Variants in EML5 observed in about 807,000 individuals in gnomAD.
EML5 encodes the protein echinoderm microtubule-associated protein-like 5.
EML5 carries 120 observed loss-of-function variants against 250.0 expected under a neutral mutation model. The observed-to-expected ratio is 0.48, with a 90% CI of 0.41 to 0.56. The LOEUF is 0.56. Ranked by LOEUF, EML5 falls within the 20% of genes least tolerant of loss-of-function variation. The pLI is 0.00. For synonymous variants in EML5, 771 were observed against 806.5 expected, an observed-to-expected ratio of 0.96 and a Z score of 0.75; for missense variants, 2,006 against 2,437.6, an observed-to-expected ratio of 0.82 and a Z score of 3.73.
At chr14:88,681,825 T>C in intron 21 of EML5, 65 bp downstream of exon 21, 9 of 1,480,520 alleles carry the variant, frequency 6.1e-6, no homozygotes, top group Non-Finnish European at 8.1e-6. Flanking sequence ...TTTTGCTTTC[T>C]TATATTTGTA....
At chr14:88,678,812 G>A (rs965021173) in intron 21 of EML5, among the ~76,000 whole-genome samples, 3 of 152,042 alleles carry the variant, frequency 2.0e-5, no homozygotes, top group African/African-American at 4.8e-5. Flanking sequence ...TTTGAACACT[G>A]GAATATGAAC....
chr14:88,672,368 T>C (rs967324533), intron 21 of EML5, among the ~76,000 whole-genome samples: 1 of 152,108 alleles, frequency 6.6e-6, no homozygotes, highest in African/African-American at 2.4e-5. Context: ...GGAGACAAGA[T>C]ACCAGAATCT....
rs1398424087 is a variant in EML5, at chr14:88,792,489, G to T, written c.15C>A (p.Ser5Arg). Residue 5 changes from serine to arginine, a missense_variant, in exon 1 of 44, where the codon AGC becomes AGA. Physicochemically the swap from Ser to Arg is moderately radical, Grantham distance 110. Transcript: ENST00000554922. This position sits in a 1 kb window ranked among gnomAD's most constrained non-coding sequence, Gnocchi z 6.9. Reference protein sequence around the residue: MAARSAPSCHLRLEW... With the variant: MAARRAPSCHLRLEW... ...CGAGCCGCAGGTGGCAGCTCGGGGC[G>T]CTCCGGGCCGCCATGTCGGGGCGCC... 4 of 1,438,958 alleles carry T rather than the reference G, an allele frequency of 2.8e-6. No individual in the cohort carries two copies. The highest frequency in any genetic ancestry group is 1.4e-5 in the South Asian group (1 of 69,400). The allele number at this position is 1,438,958 out of a possible 1,614,324, so 89.1% of individuals were successfully genotyped here. A position where few individuals can be genotyped will look rare whatever the true frequency, so the allele number is the denominator to read the frequency against.
At chr14:88,669,877 C>T (rs2092410805) in intron 21 of EML5, among the ~76,000 whole-genome samples, 1 of 152,082 alleles carries the variant, frequency 6.6e-6, no homozygotes, top group African/African-American at 2.4e-5. Flanking sequence ...GACAGAGATC[C>T]CAGGGAAAGG....
At chr14:88,726,053 T>C (rs1303371973) in intron 8 of EML5, among the ~76,000 whole-genome samples, 1 of 152,192 alleles carries the variant, frequency 6.6e-6, no homozygotes, top group Non-Finnish European at 1.5e-5. Flanking sequence ...CTATCTATAA[T>C]TCAACACAAA....
At chr14:88,705,173 A>G (rs1190304369) in intron 12 of EML5, among the ~76,000 whole-genome samples, 195 bp from the exon 13 acceptor site, 3 of 152,184 alleles carry the variant, frequency 2.0e-5, no homozygotes, top group Non-Finnish European at 4.4e-5. Context: ...TCACACTGAC[A>G]AATAGATACA....
chr14:88,621,080 G>A lies in EML5; in HGVS notation c.5202+33C>T, dbSNP rs762592166. 1.3e-5 allele frequency: 20 copies of A among 1,590,272 alleles called. 1 individual carries two copies. The South Asian group carries it at 2.3e-4, about 18-fold the overall frequency. ...CTTCCAACTTTTCTTTTTAGAAGTT[G>A]TAACCTCTTTTAAAAAAATTATCTG... On this transcript the variant is annotated intron_variant, in intron 38 of 43. Coordinates refer to ENST00000554922, the MANE Select transcript of EML5 (RefSeq NM_183387.3).
chr14:88,663,147 C>A, intron 23 of EML5, 28 bp from the exon 24 acceptor site: 1 of 1,458,480 alleles, frequency 6.9e-7, no homozygotes, highest in African/African-American at 1.4e-5. Context: ...AAAATATTTA[C>A]ACATATAAAA....
At chr14:88,746,399 T>TA in intron 2 of EML5, 116 bp from the exon 3 acceptor site, 1 of 773,938 alleles carries the variant, frequency 1.3e-6, no homozygotes, top group Non-Finnish European at 2.1e-6. Flanking sequence ...ATAAAACATA[T>TA]ATGCCTATAT....
intron 7 of EML5, among the ~76,000 whole-genome samples, chr14:88,730,571 T>TA (rs1464046394): frequency 1.3e-5 from 2 of 152,220 alleles, no homozygotes; most frequent in African/African-American, 4.8e-5. Flanking sequence ...ATAATTAATT[T>TA]AAAAACACGA....
chr14:88,755,277 C>G (rs1371817536), intron 1 of EML5, among the ~76,000 whole-genome samples: 2 of 152,176 alleles, frequency 1.3e-5, no homozygotes, highest in East Asian at 1.9e-4. Context: ...GCAATTGGAT[C>G]ACAGCAACAA....
chr14:88,639,320 T>G (rs541452580), intron 31 of EML5, among the ~76,000 whole-genome samples: 2 of 152,194 alleles, frequency 1.3e-5, no homozygotes, highest in Non-Finnish European at 2.9e-5. Context: ...GAAAGTGTTG[T>G]GTATCCATAT....
intron 10 of EML5, among the ~76,000 whole-genome samples, chr14:88,706,642 G>A (rs1377659517): frequency 6.6e-6 from 1 of 152,054 alleles, no homozygotes; most frequent in Non-Finnish European, 1.5e-5. Context: ...AGGCTGTGAG[G>A]CATTATCTTA....
At position 88,726,102 on chromosome 14, in the gene EML5, TTACTC is replaced by T. The variant is rs142791096; in HGVS notation, c.1187+434_1187+438del. ...TACCAAATTCTTTAAATTTTTCTAATTACTCAAACAAAAGAAGAGATGGAAGCATT... is the reference window on the plus strand; with the variant it reads ...TACCAAATTCTTTAAATTTTTCTAATAAACAAAAGAAGAGATGGAAGCATT... On this transcript the variant is annotated intron_variant, in intron 8 of 43. Transcript: ENST00000554922. 8.4e-3 allele frequency among the ~76,000 whole-genome samples: 1,279 copies of T among 152,268 alleles called. 15 individuals are homozygous for T. Among genetic ancestry groups the T allele is most frequent in the African/African-American group, 0.029 (1,225 of 41,560 alleles).
intron 21 of EML5, among the ~76,000 whole-genome samples, chr14:88,673,683 A>G (rs1378190436): frequency 6.6e-6 from 1 of 152,212 alleles, no homozygotes; most frequent in Non-Finnish European, 1.5e-5. Flanking sequence ...AGCAAAGTCA[A>G]AGGATACAAA....
Position 88,739,288 on chromosome 14 carries a change from AC to A in EML5, c.712-275del, listed in dbSNP as rs1434080111. Among the ~76,000 whole-genome samples the A allele has an allele frequency of 3.9e-5, 6 of 152,172 alleles. No homozygotes were observed. The East Asian group carries it at 1.2e-3, about 29-fold the overall frequency. On this transcript the variant is annotated intron_variant, in intron 5 of 43. Transcript: ENST00000554922. ...TCCACAGTTCCACATTAGCAATGAA[AC>A]CCAGATCAAAATACAATCTTTGTGG...
chr14:88,658,312 C>G lies in EML5; in HGVS notation c.3752G>C (p.Ser1251Thr). 6.2e-7 allele frequency: 1 copy of G among 1,613,880 alleles called. No homozygotes were observed. ...VTNVRWTYDD[S>T]MLVTLGGTDM... ...TGTACCGCCTAGGGTAACCAACATG[C>G]TGTCATCATAAGTCCAGCGAACATT... Residue 1251 changes from serine to threonine, a missense_variant, in exon 26 of 44, where the codon AGC (serine) becomes ACC (threonine). Ser to Thr is a moderately conservative substitution (Grantham distance 58). Transcript: ENST00000554922.
chr14:88,705,487 G>A lies in EML5; in HGVS notation c.1927C>T (p.Arg643Ter), dbSNP rs753814190. 1.9e-6 allele frequency: 3 copies of A among 1,596,430 alleles called. No individual in the cohort carries two copies. The highest frequency in any genetic ancestry group is 1.7e-5 in the Admixed American group (1 of 58,150). Residue 643 changes from arginine (R) to a stop codon, truncating the protein, a stop_gained, in exon 12 of 44, where the codon CGA (arginine) becomes TGA (stop). Coordinates refer to ENST00000554922, the MANE Select transcript of EML5 (RefSeq NM_183387.3). LOFTEE classifies it high-confidence loss of function. ...IEQETQLTYR[R>*]QVYKEDLPQL... is the part of the protein sequence containing the mutation. ...CATGTGATATGGAAAATTACCTGTC[G>A]ACGGTAGGTGAGCTGTGTCTCTTGT...
At chr14:88,677,144 A>G (rs1265613097) in intron 21 of EML5, among the ~76,000 whole-genome samples, 1 of 152,110 alleles carries the variant, frequency 6.6e-6, no homozygotes, top group Non-Finnish European at 1.5e-5. Flanking sequence ...AGCTCACACA[A>G]TCTGCCCACC....
Sources: allele counts gnomAD v4.1 joint callset (sites outside exome capture counted in the v4.1 genomes callset), GRCh38; gene constraint gnomAD v4.1.1; non-coding constraint Gnocchi (gnomAD v3.1); transcripts MANE v1.5; gene names NCBI Gene and HGNC (gene_info 2026-07-23, HGNC 2026-07-21).